CYP4X1: variants seen among roughly 807,000 people sequenced by gnomAD.
CYP4X1 encodes cytochrome P450 family 4 subfamily X member 1.
A neutral mutation model predicts 57.9 loss-of-function variants in CYP4X1; 44 were observed. The ratio of observed to expected loss-of-function variants is 0.76; its 90% confidence interval spans 0.60 to 0.98. The LOEUF (loss-of-function observed/expected upper bound fraction) is 0.98, where lower values mean the gene tolerates loss of function less well. Among genes scored for constraint, CYP4X1 ranks in the 50% least tolerant of loss-of-function variants. The probability of loss-of-function intolerance (pLI) is 0.00; values close to 1 mark genes in which losing one functional copy is unlikely to be tolerated. For missense variants in CYP4X1, 532 were observed against 623.9 expected, an observed-to-expected ratio of 0.85 and a Z score of 1.57; for synonymous variants, 227 against 228.6, an observed-to-expected ratio of 0.99 and a Z score of 0.06.
intron 1 of CYP4X1, 76 bp from the exon 2 acceptor site, chr1:47,029,914 C>T: frequency 1.3e-6 from 2 of 1,544,272 alleles, no homozygotes; most frequent in South Asian, 1.2e-5. Flanking sequence ...TTATCAGGTC[C>T]TGAACTCAGC....
the CYP4X1 span, among the ~76,000 whole-genome samples, chr1:46,984,929 A>G: frequency 2.6e-5 from 4 of 152,190 alleles, no homozygotes; most frequent in African/African-American, 9.7e-5. Context: ...TCCCACCCCC[A>G]CGGAGCCCAG....
At chr1:46,992,875 T>C in the CYP4X1 span, among the ~76,000 whole-genome samples, 3 of 152,208 alleles carry the variant, frequency 2.0e-5, no homozygotes, top group African/African-American at 4.8e-5. Context: ...TTGTAAGAGT[T>C]CCAATTTTCC....
chr1:47,011,156 T>C, the CYP4X1 span, among the ~76,000 whole-genome samples: 1 of 152,196 alleles, frequency 6.6e-6, no homozygotes, highest in African/African-American at 2.4e-5. Flanking sequence ...GACTTCAAGC[T>C]ATACTACAAG....
chr1:46,984,936 C>A, the CYP4X1 span, among the ~76,000 whole-genome samples: 1 of 152,278 alleles, frequency 6.6e-6, no homozygotes, highest in South Asian at 2.1e-4. Flanking sequence ...CCCACGGAGC[C>A]CAGCAAGCTG....
the CYP4X1 span, among the ~76,000 whole-genome samples, chr1:46,988,328 T>C: frequency 1.3e-5 from 2 of 152,088 alleles, no homozygotes; most frequent in Admixed American, 6.6e-5. Context: ...CTCCCAAGTC[T>C]AAACCAGGAA....
chr1:47,048,509 GT>G, intron 9 of CYP4X1, 55 bp from the exon 10 acceptor site: 1 of 1,576,914 alleles, frequency 6.3e-7, no homozygotes, highest in Admixed American at 1.7e-5. Flanking sequence ...TAAGAGCACA[GT>G]AGCCCACAAC....
the CYP4X1 span, among the ~76,000 whole-genome samples, chr1:46,986,332 G>A: frequency 1.3e-5 from 2 of 152,044 alleles, no homozygotes; most frequent in Non-Finnish European, 2.9e-5. Context: ...CAAGATTAGA[G>A]AAAAAAGAAT....
At chr1:47,007,131 C>T in the CYP4X1 span, among the ~76,000 whole-genome samples, 1 of 152,238 alleles carries the variant, frequency 6.6e-6, no homozygotes, top group Non-Finnish European at 1.5e-5. Context: ...ACTGCCTCCT[C>T]AGGTGGGTCC....
downstream of CYP4X1, among the ~76,000 whole-genome samples, chr1:47,051,936 C>A (rs546939293): frequency 2.0e-5 from 3 of 151,982 alleles, no homozygotes; most frequent in African/African-American, 7.2e-5. Context: ...TAAAAGCATG[C>A]ATGATAAATT....
intron 10 of CYP4X1, among the ~76,000 whole-genome samples, chr1:47,049,044 G>T (rs1644333243): frequency 6.6e-6 from 1 of 152,206 alleles, no homozygotes; most frequent in Non-Finnish European, 1.5e-5. Context: ...TGCAAGGTCT[G>T]CAGGTCTGAA....
the CYP4X1 span, among the ~76,000 whole-genome samples, chr1:46,977,601 A>T: frequency 6.6e-6 from 1 of 152,086 alleles, no homozygotes; most frequent in African/African-American, 2.4e-5. Context: ...GTAGGCCAAC[A>T]TCCAAATTCA....
At chr1:47,038,336 A>T (rs1644207951) in intron 6 of CYP4X1, among the ~76,000 whole-genome samples, 1 of 151,690 alleles carries the variant, frequency 6.6e-6, no homozygotes, top group Admixed American at 6.6e-5. Context: ...ATTTCATTCC[A>T]TTTTATTTAA....
the CYP4X1 span, among the ~76,000 whole-genome samples, chr1:46,985,846 A>G: frequency 3.3e-5 from 5 of 152,224 alleles, no homozygotes; most frequent in Non-Finnish European, 7.3e-5. Flanking sequence ...TGTTGTCCAC[A>G]CAGAAACTCC....
intron 9 of CYP4X1, among the ~76,000 whole-genome samples, chr1:47,047,079 T>A (rs1020339349): frequency 2.6e-5 from 4 of 152,178 alleles, no homozygotes; most frequent in African/African-American, 9.7e-5. Context: ...TGGAATCCAA[T>A]GTTAACAGAC....
the CYP4X1 span, among the ~76,000 whole-genome samples, chr1:46,973,241 A>G: frequency 6.6e-6 from 1 of 152,170 alleles, no homozygotes; most frequent in South Asian, 2.1e-4. Flanking sequence ...AATGGTTTGT[A>G]TGTATTGAAC....
chr1:46,988,735 C>A, the CYP4X1 span, among the ~76,000 whole-genome samples: 1 of 152,194 alleles, frequency 6.6e-6, no homozygotes, highest in Non-Finnish European at 1.5e-5. Flanking sequence ...TTAACATATG[C>A]AAATCAATAA....
At chr1:47,028,438 A>C (rs1644092795) in intron 1 of CYP4X1, among the ~76,000 whole-genome samples, 1 of 152,228 alleles carries the variant, frequency 6.6e-6, no homozygotes, top group South Asian at 2.1e-4. Flanking sequence ...GAAAGCATTT[A>C]GCAGCACCTA....
Position 47,023,951 on chromosome 1 carries a change from C to T in CYP4X1, c.134C>T (p.Pro45Leu). ...CAGCGGCTGCTGCGGGACCTGCGCC[C>T]CTTCCCAGCGCCCCCCACCCACTGG... ...RRQRLLRDLR[P>L]FPAPPTHWFL... The change falls in exon 1 of 12, where the codon CCC becomes CTC. Residue 45 changes from proline to leucine, a missense_variant. By Grantham distance (98) the Pro-to-Leu change is moderately conservative. Coordinates refer to ENST00000371901, the MANE Select transcript of CYP4X1 (RefSeq NM_178033.2). The T allele has an allele frequency of 6.2e-7, 1 of 1,613,324 alleles. No homozygotes were observed. Among genetic ancestry groups the T allele is most frequent in the Non-Finnish European group, 8.5e-7 (1 of 1,179,926 alleles).
intron 1 of CYP4X1, among the ~76,000 whole-genome samples, chr1:47,024,987 T>C (rs1438567282): frequency 1.3e-5 from 2 of 152,232 alleles, no homozygotes; most frequent in African/African-American, 4.8e-5. Flanking sequence ...ATTGCATCTA[T>C]TAATTTAATA....
Sources: allele counts gnomAD v4.1 joint callset (sites outside exome capture counted in the v4.1 genomes callset), GRCh38; gene constraint gnomAD v4.1.1; transcripts MANE v1.5; gene names NCBI Gene and HGNC (gene_info 2026-07-23, HGNC 2026-07-21).